Variants in ZNF254 observed in about 807,000 individuals in gnomAD.
The protein encoded by ZNF254 is zinc finger protein 254.
A neutral mutation model predicts 12.4 loss-of-function variants in ZNF254; 10 were observed. The ratio of observed to expected loss-of-function variants is 0.80; its 90% CI spans 0.50 to 1.36. The LOEUF is 1.36. Among genes scored for constraint, ZNF254 ranks in the 40% most tolerant of loss-of-function variants. The pLI, the probability that ZNF254 is intolerant of heterozygous loss-of-function variation, is 0.00. For synonymous variants in ZNF254, 305 were observed against 253.4 expected, an observed-to-expected ratio of 1.20 and a Z score of -1.93; for missense variants, 996 against 763.9, an observed-to-expected ratio of 1.30 and a Z score of -3.58.
chr19:24,067,371 A>G (rs1971314968), intron 2 of ZNF254, among the ~76,000 whole-genome samples: 1 of 151,670 alleles, frequency 6.6e-6, no homozygotes, highest in Non-Finnish European at 1.5e-5. Flanking sequence ...TGACATATCT[A>G]TGGGTCAGTT....
chr19:24,074,463 A>G (rs140995299), intron 2 of ZNF254, among the ~76,000 whole-genome samples: 23 of 152,294 alleles, frequency 1.5e-4, no homozygotes, highest in Non-Finnish European at 2.8e-4. Context: ...GGTTTGGCCT[A>G]TAGGAGAGAT....
chr19:24,116,361 A>T (rs1409513500), intron 3 of ZNF254, among the ~76,000 whole-genome samples: 1 of 152,034 alleles, frequency 6.6e-6, no homozygotes, highest in African/African-American at 2.4e-5. Flanking sequence ...GTCTTTTCAC[A>T]TAGTCCCATA....
intron 1 of ZNF254, among the ~76,000 whole-genome samples, chr19:24,045,349 C>T (rs1044929486): frequency 2.3e-4 from 35 of 152,090 alleles, no homozygotes; most frequent in African/African-American, 8.0e-4. Context: ...CAGCTAGGCT[C>T]CCCCCTCCCC....
chr19:24,052,000 G>A (rs761046414), intron 2 of ZNF254, among the ~76,000 whole-genome samples: 11 of 151,980 alleles, frequency 7.2e-5, no homozygotes, highest in East Asian at 2.0e-4. Flanking sequence ...GGCCTTCCCC[G>A]GAATGGGTAT....
chr19:24,033,503 C>T (rs1006494978), exon 1 of ZNF254: 4 of 215,858 alleles, frequency 1.9e-5, no homozygotes, highest in Non-Finnish European at 3.8e-5. Context: ...CTCTGCTCTT[C>T]TGCATTCTCC....
intron 3 of ZNF254, among the ~76,000 whole-genome samples, chr19:24,118,845 C>T (rs1427872459): frequency 1.3e-5 from 2 of 152,006 alleles, no homozygotes; most frequent in Non-Finnish European, 2.9e-5. Context: ...GGAATGGCAC[C>T]TCACACCTAT....
rs77170752 is a variant in ZNF254, at chr19:24,126,595, C to G, written c.595C>G (p.Gln199Glu). 821 of 1,601,996 alleles carry G rather than the reference C, an allele frequency of 5.1e-4. 4 individuals carry two copies. The African/African-American group carries it at 0.01, about 20-fold the overall frequency. ...ATTTTGCATGCTTTCACATAAAACC[C>G]AACACAAAAGCATTTATCATAGAGA... Reference protein sequence around the residue: ...KLFCMLSHKTQHKSIYHREKS... With the variant: ...KLFCMLSHKTEHKSIYHREKS... Residue 199 changes from glutamine to glutamate, a missense_variant, in exon 4 of 4, where the codon CAA (glutamine) becomes GAA (glutamate). Coordinates refer to ENST00000357002, the MANE Select transcript of ZNF254 (RefSeq NM_203282.4).
At chr19:24,044,042 C>T (rs1970278983) in intron 1 of ZNF254, among the ~76,000 whole-genome samples, 1 of 151,750 alleles carries the variant, frequency 6.6e-6, no homozygotes, top group Non-Finnish European at 1.5e-5. Context: ...ATTCCGAGAC[C>T]AGCCTGGCCA....
chr19:24,087,019 G>A (rs1477948119), upstream of ZNF254: 6 of 396,930 alleles, frequency 1.5e-5, no homozygotes, highest in Non-Finnish European at 2.9e-5. Flanking sequence ...TAAGGCTGCA[G>A]CTTAGGCTGT....
At chr19:24,090,884 T>A (rs1370811694) in intron 1 of ZNF254, among the ~76,000 whole-genome samples, 2 of 152,028 alleles carry the variant, frequency 1.3e-5, no homozygotes, top group Non-Finnish European at 2.9e-5. Context: ...ATTTACCTTT[T>A]TCTTTCTCAG....
chr19:24,055,205 CAAAAAAAA>C (rs71167733), intron 2 of ZNF254, among the ~76,000 whole-genome samples: 5 of 28,314 alleles, frequency 1.8e-4, no homozygotes, highest in African/African-American at 8.9e-4. Context: ...TCTGTCTCAC[CAAAAAAAA>C]AAAAAAAAAA....
chr19:24,071,393 G>C (rs1971475694), intron 2 of ZNF254, among the ~76,000 whole-genome samples: 1 of 152,162 alleles, frequency 6.6e-6, no homozygotes, highest in African/African-American at 2.4e-5. Context: ...TTGTCTCTGA[G>C]ACCTGTCAAC....
intron 3 of ZNF254, among the ~76,000 whole-genome samples, chr19:24,111,300 G>A (rs1008070977): frequency 2.0e-5 from 3 of 152,116 alleles, no homozygotes; most frequent in African/African-American, 7.2e-5. Context: ...ATTGATGGCT[G>A]CATAGTATTC....
chr19:24,119,380 A>AGGGGTTTCACCATATTG (rs1435869813), intron 3 of ZNF254, among the ~76,000 whole-genome samples: 1 of 151,804 alleles, frequency 6.6e-6, no homozygotes, highest in African/African-American at 2.4e-5. Flanking sequence ...TTAGTAGAGA[A>AGGGGTTTCACCATATTG]GGGGTTTCAC....
At chr19:24,095,927 C>A (rs1015416713) in intron 1 of ZNF254, among the ~76,000 whole-genome samples, 1 of 151,616 alleles carries the variant, frequency 6.6e-6, no homozygotes. Flanking sequence ...TTCTTTCATT[C>A]TTTTATTGAT....
intron 2 of ZNF254, among the ~76,000 whole-genome samples, chr19:24,060,620 C>CA (rs1294962871): frequency 1.3e-5 from 2 of 151,944 alleles, no homozygotes; most frequent in Admixed American, 1.3e-4. Flanking sequence ...TCCATGCACA[C>CA]AAAAAAGAGA....
At chr19:24,117,025 G>A (rs573317488) in intron 3 of ZNF254, among the ~76,000 whole-genome samples, 4 of 152,236 alleles carry the variant, frequency 2.6e-5, no homozygotes, top group African/African-American at 7.2e-5. Flanking sequence ...CGTGAACCGC[G>A]AATACTGCTG....
chr19:24,045,409 T>C (rs1358616219), intron 1 of ZNF254, among the ~76,000 whole-genome samples: 1 of 151,848 alleles, frequency 6.6e-6, no homozygotes, highest in East Asian at 1.9e-4. Flanking sequence ...GTGGCTCACA[T>C]CTGTAATCCC....
intron 2 of ZNF254, among the ~76,000 whole-genome samples, chr19:24,073,209 G>GATCC (rs1971542330): frequency 6.6e-6 from 1 of 152,210 alleles, no homozygotes; most frequent in African/African-American, 2.4e-5. Flanking sequence ...CCCATGGACA[G>GATCC]TGCCCACTGG....
Sources: allele counts gnomAD v4.1 joint callset (sites outside exome capture counted in the v4.1 genomes callset), GRCh38; gene constraint gnomAD v4.1.1; transcripts MANE v1.5; gene names NCBI Gene and HGNC (gene_info 2026-07-23, HGNC 2026-07-21).